TMIGD3: variants seen among roughly 807,000 people sequenced by gnomAD.
TMIGD3 encodes transmembrane and immunoglobulin domain containing 3.
A neutral mutation model predicts 28.1 loss-of-function variants in TMIGD3; 21 were observed. The observed-to-expected ratio is 0.75, with a 90% CI of 0.53 to 1.08. The LOEUF (loss-of-function observed/expected upper bound fraction) is 1.08, where lower values mean the gene tolerates loss of function less well. TMIGD3 is among the 50% of genes least tolerant of loss of function. The probability of loss-of-function intolerance (pLI) is 0.00; values close to 1 mark genes in which losing one functional copy is unlikely to be tolerated. For missense variants in TMIGD3, 416 were observed against 435.6 expected (o/e 0.96, Z 0.40); for synonymous variants, 151 against 162.1 (o/e 0.93, Z 0.52).
intron 1 of TMIGD3, among the ~76,000 whole-genome samples, chr1:111,529,648 G>A (rs1006066161): frequency 4.0e-5 from 6 of 150,684 alleles, no homozygotes; most frequent in African/African-American, 1.5e-4. Flanking sequence ...AACCCTGAGT[G>A]GATACAGCAC....
chr1:111,498,807 C>T (rs1267522595), intron 1 of TMIGD3, among the ~76,000 whole-genome samples: 2 of 152,124 alleles, frequency 1.3e-5, no homozygotes. Flanking sequence ...CTCAACAGGC[C>T]AGGTGCAATG....
chr1:111,543,114 A>G (rs1304060462), intron 1 of TMIGD3, among the ~76,000 whole-genome samples: 1 of 152,236 alleles, frequency 6.6e-6, no homozygotes, highest in Non-Finnish European at 1.5e-5. Context: ...CTACACACAC[A>G]CAGACACATA....
At chr1:111,513,358 C>T (rs548770201) in intron 1 of TMIGD3, among the ~76,000 whole-genome samples, 3 of 152,210 alleles carry the variant, frequency 2.0e-5, no homozygotes, top group Admixed American at 6.5e-5. Context: ...AACTGCACAT[C>T]GGCAAACACG....
At chr1:111,489,504 T>C (rs58712964) in intron 2 of TMIGD3, 175,219 of 907,860 alleles carry the variant, frequency 0.19, 18,920 homozygotes, top group African/African-American at 0.41. Context: ...TCCATTGTTT[T>C]AGCCTCCCAG....
upstream of TMIGD3, chr1:111,503,637 T>C: frequency 1.7e-6 from 2 of 1,176,946 alleles, no homozygotes; most frequent in Non-Finnish European, 2.1e-6. Flanking sequence ...ATGGACTGAA[T>C]CTGAAAGTGC....
exon 1 of TMIGD3, chr1:111,563,854 A>G: frequency 6.2e-7 from 1 of 1,612,708 alleles, no homozygotes; most frequent in East Asian, 2.2e-5. Context: ...ACTGTGACTC[A>G]GGACTCAAGC....
upstream of TMIGD3, among the ~76,000 whole-genome samples, chr1:111,507,004 CACAT>C (rs1260411769): frequency 3.9e-5 from 3 of 77,726 alleles, no homozygotes; most frequent in Admixed American, 4.0e-4. Context: ...TATATACACA[CACAT>C]ATGTGTGTGT....
chr1:111,534,104 T>C (rs1283192857), intron 1 of TMIGD3, among the ~76,000 whole-genome samples: 1 of 152,186 alleles, frequency 6.6e-6, no homozygotes, highest in Non-Finnish European at 1.5e-5. Context: ...TTATTATATA[T>C]TTTATTATTG....
chr1:111,484,090 G>T (rs1477915675), intron 5 of TMIGD3, among the ~76,000 whole-genome samples: 1 of 152,194 alleles, frequency 6.6e-6, no homozygotes, highest in Non-Finnish European at 1.5e-5. Flanking sequence ...ACAACAGGCT[G>T]TACAACTTCT....
chr1:111,543,499 A>G (rs1656922378), intron 1 of TMIGD3, among the ~76,000 whole-genome samples: 1 of 152,206 alleles, frequency 6.6e-6, no homozygotes, highest in South Asian at 2.1e-4. Context: ...CCCAATGGAG[A>G]GTATTCACCA....
At chr1:111,524,115 C>T (rs1203034328) in intron 1 of TMIGD3, among the ~76,000 whole-genome samples, 5 of 149,356 alleles carry the variant, frequency 3.3e-5, no homozygotes, top group African/African-American at 9.9e-5. Flanking sequence ...CTGCAAGCTC[C>T]GCCTCCCAGG....
At chr1:111,495,093 T>A (rs1166274039) in intron 1 of TMIGD3, among the ~76,000 whole-genome samples, 2 of 152,166 alleles carry the variant, frequency 1.3e-5, no homozygotes, top group Non-Finnish European at 2.9e-5. Flanking sequence ...TGGCAAAGAT[T>A]TCATGATGAA....
At chr1:111,545,259 C>T (rs929669313) in intron 1 of TMIGD3, among the ~76,000 whole-genome samples, 2 of 152,064 alleles carry the variant, frequency 1.3e-5, no homozygotes, top group African/African-American at 2.4e-5. Context: ...TGAGGATTCC[C>T]ATTTCTCCCT....
chr1:111,562,579 A>C (rs1657782935), intron 1 of TMIGD3, among the ~76,000 whole-genome samples: 1 of 152,242 alleles, frequency 6.6e-6, no homozygotes, highest in Non-Finnish European at 1.5e-5. Context: ...TGCTTGTCCC[A>C]TACTTGTGTC....
chr1:111,559,832 T>G (rs1224166176), intron 1 of TMIGD3, among the ~76,000 whole-genome samples: 1 of 152,224 alleles, frequency 6.6e-6, no homozygotes, highest in Non-Finnish European at 1.5e-5. Flanking sequence ...TGGGAGAGAC[T>G]GAGTGTTGAG....
At chr1:111,515,067 G>C (rs749667245) in intron 1 of TMIGD3, among the ~76,000 whole-genome samples, 3 of 152,192 alleles carry the variant, frequency 2.0e-5, no homozygotes, top group African/African-American at 7.2e-5. Flanking sequence ...GAATCCAACT[G>C]CAACCTTGAG....
At chr1:111,519,256 C>A (rs1241209938) in intron 1 of TMIGD3, among the ~76,000 whole-genome samples, 1 of 152,118 alleles carries the variant, frequency 6.6e-6, no homozygotes, top group East Asian at 1.9e-4. Context: ...GGAATTTAAG[C>A]TCTTATTTAC....
At position 111,488,733 on chromosome 1, in the gene TMIGD3, T is replaced by C; in HGVS notation, c.749A>G (p.Glu250Gly). Residue 250 changes from glutamate to glycine, a missense_variant, in exon 3 of 6, where the codon GAG (glutamate) becomes GGG (glycine). Coordinates refer to ENST00000369716, the MANE Select transcript of TMIGD3 (RefSeq NM_020683.7). ...TCCTTTGTCGTCAGTTACAATCAGC[T>C]CTGTAAAATCCATGTCATCCCTGGC... ...DFARDDMDFT[E>G]LIVTDDKGTL... 1 of 1,614,102 alleles carries C rather than the reference T, an allele frequency of 6.2e-7. No individual in the cohort carries two copies. The highest frequency in any genetic ancestry group is 1.1e-5 in the South Asian group (1 of 91,080).
Position 111,485,800 on chromosome 1 carries a change from C to T in TMIGD3, c.913G>A (p.Gly305Arg). The T allele has an allele frequency of 6.3e-7, 1 of 1,598,860 alleles. No homozygotes were observed. The highest frequency in any genetic ancestry group is 8.5e-7 in the Non-Finnish European group (1 of 1,170,540). Residue 305 changes from glycine to arginine, a missense_variant, in exon 5 of 6, where the codon GGA becomes AGA. By Grantham distance (125) the Gly-to-Arg change is moderately radical (BLOSUM62 -2). Coordinates refer to ENST00000369716, the MANE Select transcript of TMIGD3 (RefSeq NM_020683.7). ...AAATGACTGATTACAGAGATGATTCCCAAACCCGTGATCAGTATGCAAATG... is the reference window on the plus strand; with the variant it reads ...AAATGACTGATTACAGAGATGATTCTCAAACCCGTGATCAGTATGCAAATG... ...LIICILITGL[G>R]IISVISHLTK...
Sources: allele counts gnomAD v4.1 joint callset (sites outside exome capture counted in the v4.1 genomes callset), GRCh38; gene constraint gnomAD v4.1.1; transcripts MANE v1.5; gene names NCBI Gene and HGNC (gene_info 2026-07-23, HGNC 2026-07-21).